EHBP1: variants seen among roughly 807,000 people sequenced by gnomAD.
The protein encoded by EHBP1 is EH domain binding protein 1.
EHBP1 carries 55 observed loss-of-function variants against 144.0 expected under a neutral mutation model. That is an observed-to-expected ratio of 0.38 (90% CI 0.31 to 0.48). The LOEUF (loss-of-function observed/expected upper bound fraction) is 0.48. EHBP1 is among the 20% of genes least tolerant of loss of function. EHBP1 has a pLI of 0.98. For missense variants in EHBP1, 1,200 were observed against 1,364.2 expected (o/e 0.88, Z 1.90); for synonymous variants, 469 against 472.7 (o/e 0.99, Z 0.10).
At position 62,948,625 on chromosome 2, in the gene EHBP1, T is replaced by A. The variant is rs2057203875; in HGVS notation, c.1779T>A (p.His593Gln). Residue 593 changes from histidine (H) to glutamine (Q), a missense_variant, in exon 13 of 23, where the codon CAT (histidine) becomes CAA (glutamine). Coordinates refer to ENST00000431489, the MANE Select transcript of EHBP1 (RefSeq NM_001142616.3). ...DSGVGESESE[H>Q]QTPDDHLSPS... ...GGGTTGGAGAGTCAGAAAGTGAGCA[T>A]CAAACTCCTGATGATCACCTTAGTC... The A allele has an allele frequency of 6.2e-7, 1 of 1,613,814 alleles. No homozygotes were observed. The highest frequency in any genetic ancestry group is 8.5e-7 in the Non-Finnish European group (1 of 1,179,982).
chr2:62,757,263 G>C (rs2040368858), intron 3 of EHBP1, among the ~76,000 whole-genome samples: 1 of 152,122 alleles, frequency 6.6e-6, no homozygotes, highest in South Asian at 2.1e-4. Context: ...CAGGCAGCTG[G>C]AGAGGCGTGC....
intron 10 of EHBP1, among the ~76,000 whole-genome samples, chr2:62,942,473 G>A (rs1032405060): frequency 6.6e-6 from 1 of 152,186 alleles, no homozygotes; most frequent in Non-Finnish European, 1.5e-5. Context: ...CTCTTGGCCT[G>A]TTCTTATGTA....
At chr2:62,934,787 G>A (rs188835652) in intron 10 of EHBP1, among the ~76,000 whole-genome samples, 1 of 152,244 alleles carries the variant, frequency 6.6e-6, no homozygotes, top group African/African-American at 2.4e-5. Flanking sequence ...ATAGGCCTTC[G>A]AGTTAGATAC....
At chr2:62,734,937 G>A (rs1421986685) in intron 2 of EHBP1, among the ~76,000 whole-genome samples, 1 of 152,102 alleles carries the variant, frequency 6.6e-6, no homozygotes, top group East Asian at 1.9e-4. Flanking sequence ...GTCTCACTCT[G>A]TCACCCAGGC....
intron 1 of EHBP1, among the ~76,000 whole-genome samples, chr2:62,683,425 C>T (rs1045009946): frequency 2.0e-5 from 3 of 151,954 alleles, no homozygotes; most frequent in Admixed American, 6.6e-5. Context: ...TTTGGGAGGC[C>T]GAGGTGGGTG....
At chr2:62,971,185 G>A (rs2058479712) in intron 14 of EHBP1, among the ~76,000 whole-genome samples, 1 of 152,132 alleles carries the variant, frequency 6.6e-6, no homozygotes, top group African/African-American at 2.4e-5. Flanking sequence ...GGTTAGTTCT[G>A]ATCCATCTTT....
At chr2:62,745,359 T>G (rs2039053788) in intron 2 of EHBP1, among the ~76,000 whole-genome samples, 1 of 151,156 alleles carries the variant, frequency 6.6e-6, no homozygotes. Context: ...AACACAGGTG[T>G]AATTAACTCT....
At chr2:62,894,927 AAGAGAGAGAG>A (rs57403564) in intron 10 of EHBP1, among the ~76,000 whole-genome samples, 6 of 141,110 alleles carry the variant, frequency 4.3e-5, no homozygotes, top group South Asian at 2.4e-4. Flanking sequence ...AACAGAAAGA[AAGAGAGAGAG>A]AGAGAGAGAG....
chr2:62,786,642 A>G (rs967790678), intron 5 of EHBP1, among the ~76,000 whole-genome samples: 7 of 152,352 alleles, frequency 4.6e-5, no homozygotes, highest in South Asian at 2.1e-4. Flanking sequence ...CTGCACCTTG[A>G]ATCTTAAAGA....
chr2:62,906,450 A>C (rs1383373670), intron 10 of EHBP1, among the ~76,000 whole-genome samples: 3 of 152,138 alleles, frequency 2.0e-5, no homozygotes, highest in African/African-American at 7.2e-5. Flanking sequence ...TTTCCATATG[A>C]ACTTTAGCAT....
At chr2:62,820,918 T>C (rs942086613) in intron 5 of EHBP1, among the ~76,000 whole-genome samples, 2 of 151,192 alleles carry the variant, frequency 1.3e-5, no homozygotes, top group African/African-American at 4.8e-5. Context: ...ATGCAGCTTG[T>C]AAGGTACTGG....
chr2:62,858,548 G>T, intron 7 of EHBP1: 2 of 1,402,464 alleles, frequency 1.4e-6, no homozygotes, highest in Non-Finnish European at 1.0e-6. Context: ...GCTTCTGATT[G>T]CCTGTATTTA....
At chr2:62,976,972 C>T (rs950197797) in intron 14 of EHBP1, among the ~76,000 whole-genome samples, 1 of 151,768 alleles carries the variant, frequency 6.6e-6, no homozygotes, top group African/African-American at 2.4e-5. Context: ...GAATTGGTGC[C>T]TCTAATTCTA....
chr2:62,989,836 T>C (rs575040318), intron 15 of EHBP1, among the ~76,000 whole-genome samples: 1 of 152,314 alleles, frequency 6.6e-6, no homozygotes, highest in South Asian at 2.1e-4. Flanking sequence ...AATAATAAAT[T>C]GTTTAATCTT....
intron 2 of EHBP1, among the ~76,000 whole-genome samples, chr2:62,720,342 G>A (rs74950431): frequency 0.022 from 3,334 of 152,166 alleles, 88 homozygotes; most frequent in African/African-American, 0.067. Context: ...TGCCATAGTT[G>A]TCCTTCTAAA....
chr2:62,858,545 A>C (rs766466819), intron 7 of EHBP1: 3 of 1,407,866 alleles, frequency 2.1e-6, no homozygotes, highest in South Asian at 1.2e-5. Flanking sequence ...TCTGCTTCTG[A>C]TTGCCTGTAT....
At chr2:62,917,425 T>G (rs1401413034) in intron 10 of EHBP1, among the ~76,000 whole-genome samples, 1 of 152,124 alleles carries the variant, frequency 6.6e-6, no homozygotes, top group Non-Finnish European at 1.5e-5. Flanking sequence ...ACTATGTATA[T>G]TAATATAAAC....
intron 3 of EHBP1, among the ~76,000 whole-genome samples, chr2:62,756,313 G>A (rs1339822829): frequency 6.6e-6 from 1 of 152,066 alleles, no homozygotes; most frequent in African/African-American, 2.4e-5. Context: ...ATAGTATTTT[G>A]TAGAAGAAAT....
intron 7 of EHBP1, among the ~76,000 whole-genome samples, chr2:62,839,164 G>A (rs1470501387): frequency 6.6e-5 from 10 of 150,896 alleles, no homozygotes; most frequent in East Asian, 3.9e-4. Flanking sequence ...GGCTTCATCC[G>A]TGGGATGCAA....
Sources: gnomAD v4.1 joint callset for allele counts (sites outside exome capture counted in the v4.1 genomes callset) on GRCh38, gnomAD v4.1.1 for gene constraint, MANE v1.5 for transcripts, NCBI Gene and HGNC (gene_info 2026-07-23, HGNC 2026-07-21) for gene names.